UST: variants seen among roughly 807,000 people sequenced by gnomAD.
The protein encoded by UST is uronyl 2-sulfotransferase, also known as chondroitin sulfate 2-O-sulfotransferase.
In UST, 21 loss-of-function variants were observed where a neutral mutation model predicts 45.6. That is an observed-to-expected ratio of 0.46 (90% confidence interval 0.33 to 0.66). The LOEUF (loss-of-function observed/expected upper bound fraction) is 0.66, where lower values mean the gene tolerates loss of function less well. Ranked by LOEUF, UST falls within the 30% of genes least tolerant of loss-of-function variation. UST has a pLI of 0.02. For missense variants in UST, 463 were observed against 512.4 expected, an observed-to-expected ratio of 0.90 and a Z score of 0.93; for synonymous variants, 215 against 200.6, an observed-to-expected ratio of 1.07 and a Z score of -0.61.
chr6:148,942,678 T>G (rs1380160685), intron 3 of UST, among the ~76,000 whole-genome samples: 1 of 152,222 alleles, frequency 6.6e-6, no homozygotes, highest in African/African-American at 2.4e-5. Flanking sequence ...AGAGGGAATC[T>G]CATTCTTAAT....
chr6:149,034,761 G>A (rs1056247964), intron 7 of UST, among the ~76,000 whole-genome samples: 22 of 150,902 alleles, frequency 1.5e-4, no homozygotes, highest in African/African-American at 4.9e-4. Flanking sequence ...TTTTTTTTGA[G>A]TCATTGAAGG....
chr6:148,857,762 C>CAAAAAAA (rs35774834), intron 1 of UST, among the ~76,000 whole-genome samples: 1 of 120,462 alleles, frequency 8.3e-6, no homozygotes. Flanking sequence ...GTCTCCATCT[C>CAAAAAAA]AAAAAAAAAA....
intron 3 of UST, among the ~76,000 whole-genome samples, chr6:148,951,953 A>G (rs543105455): frequency 2.6e-5 from 4 of 152,336 alleles, no homozygotes; most frequent in East Asian, 1.9e-4. Context: ...ACACATTGAC[A>G]TGTGTTTAGA....
At chr6:148,799,842 A>G (rs1260695243) in intron 1 of UST, among the ~76,000 whole-genome samples, 1 of 152,192 alleles carries the variant, frequency 6.6e-6, no homozygotes, top group Non-Finnish European at 1.5e-5. Context: ...TCATTGCGAA[A>G]TATTTTGAAT....
chr6:148,898,184 A>G (rs2114859522), intron 2 of UST, among the ~76,000 whole-genome samples: 1 of 152,340 alleles, frequency 6.6e-6, no homozygotes, highest in East Asian at 1.9e-4. Flanking sequence ...TTTCACTCTG[A>G]TGAACATGAC....
intron 1 of UST, among the ~76,000 whole-genome samples, chr6:148,802,620 T>C (rs1015784427): frequency 1.3e-5 from 2 of 152,180 alleles, no homozygotes; most frequent in Non-Finnish European, 2.9e-5. Context: ...TTATATACAC[T>C]CTCTTGGCTC....
At chr6:148,779,607 A>C (rs1776601015) in intron 1 of UST, among the ~76,000 whole-genome samples, 1 of 152,216 alleles carries the variant, frequency 6.6e-6, no homozygotes, top group Non-Finnish European at 1.5e-5. Flanking sequence ...GTAAGGACAA[A>C]ATGAGATGTG....
chr6:148,911,056 C>T (rs1252810337), intron 2 of UST, among the ~76,000 whole-genome samples: 1 of 152,148 alleles, frequency 6.6e-6, no homozygotes, highest in Non-Finnish European at 1.5e-5. Flanking sequence ...ATTGGCTGGC[C>T]CTGACCCCTC....
At chr6:148,909,752 G>A (rs1021919041) in intron 2 of UST, among the ~76,000 whole-genome samples, 2 of 152,166 alleles carry the variant, frequency 1.3e-5, no homozygotes, top group South Asian at 2.1e-4. Flanking sequence ...TGCTTTGCTC[G>A]AAGTATCTAT....
At chr6:148,766,442 T>C (rs1776326383) in intron 1 of UST, among the ~76,000 whole-genome samples, 1 of 152,204 alleles carries the variant, frequency 6.6e-6, no homozygotes, top group Non-Finnish European at 1.5e-5. Context: ...TCTGTTTTCT[T>C]TTCCATCTAG....
chr6:148,826,952 G>A (rs1429477294), intron 1 of UST, among the ~76,000 whole-genome samples: 3 of 151,952 alleles, frequency 2.0e-5, no homozygotes, highest in Non-Finnish European at 2.9e-5. Flanking sequence ...ATTACATCGG[G>A]CCCACCTAGA....
At chr6:148,800,822 G>GGAGGAATCCTCATGGAATC in intron 1 of UST, among the ~76,000 whole-genome samples, 1 of 144,220 alleles carries the variant, frequency 6.9e-6, no homozygotes, top group Middle Eastern at 3.9e-3. Flanking sequence ...ACGTGGCTCT[G>GGAGGAATCCTCATGGAATC]GAGGAATCCT....
chr6:148,837,087 G>C (rs1171578605), intron 1 of UST, among the ~76,000 whole-genome samples: 1 of 152,080 alleles, frequency 6.6e-6, no homozygotes, highest in Non-Finnish European at 1.5e-5. Context: ...ATACTGATAG[G>C]TATTATCAGT....
At chr6:148,857,511 A>G (rs1413600353) in intron 1 of UST, among the ~76,000 whole-genome samples, 2 of 152,130 alleles carry the variant, frequency 1.3e-5, no homozygotes, top group African/African-American at 4.8e-5. Flanking sequence ...TAGAGCACAG[A>G]CTGTATTTGC....
intron 1 of UST, among the ~76,000 whole-genome samples, chr6:148,877,667 TCATGTATGAGTGCAG>T (rs1778709278): frequency 1.5e-5 from 1 of 67,294 alleles, no homozygotes; most frequent in African/African-American, 7.2e-5. Context: ...GTGCGAGGGG[TCATGTATGAGTGCAG>T]GGGGTCATGT....
At chr6:149,035,333 C>T (rs562752777) in intron 7 of UST, among the ~76,000 whole-genome samples, 1 of 152,248 alleles carries the variant, frequency 6.6e-6, no homozygotes, top group Non-Finnish European at 1.5e-5. Flanking sequence ...TTCATTTATT[C>T]CCCGCTTTAT....
chr6:148,881,340 C>T (rs1466927533), intron 1 of UST, among the ~76,000 whole-genome samples: 1 of 152,110 alleles, frequency 6.6e-6, no homozygotes, highest in African/African-American at 2.4e-5. Flanking sequence ...GTTTTTCCCG[C>T]TTGACAAGAC....
At chr6:148,776,388 G>C (rs1776535485) in intron 1 of UST, among the ~76,000 whole-genome samples, 1 of 152,174 alleles carries the variant, frequency 6.6e-6, no homozygotes, top group South Asian at 2.1e-4. Context: ...TTTTGAGGGT[G>C]GGAGTGTGGT....
In UST at chr6:148,747,424, G is replaced by A; in HGVS notation, c.-7G>A. ...CGGGCAGGCTGTGGGAGGCAGCGGA[G>A]CAGGCGATGAAGAAGAAGCAGCAGC... On this transcript the variant is annotated 5_prime_UTR_variant, in exon 1 of 8. Coordinates refer to ENST00000367463, the MANE Select transcript of UST (RefSeq NM_005715.3). 1 of 1,403,584 alleles carries A rather than the reference G, an allele frequency of 7.1e-7. No homozygotes were observed. Among genetic ancestry groups the A allele is most frequent in the Admixed American group, 3.3e-5 (1 of 30,180 alleles). 86.9% of individuals were successfully genotyped at this position (1,403,584 alleles called of 1,614,324 possible).
Sources: allele counts gnomAD v4.1 joint callset (sites outside exome capture counted in the v4.1 genomes callset), GRCh38; gene constraint gnomAD v4.1.1; transcripts MANE v1.5; gene names NCBI Gene and HGNC (gene_info 2026-07-23, HGNC 2026-07-21).